The following DNAH5 variants were observed in gnomAD, a reference collection of about 807,000 sequenced individuals.
DNAH5 encodes dynein axonemal heavy chain 5, also known as axonemal beta dynein heavy chain 5.
In DNAH5, 372 loss-of-function variants were observed where a neutral mutation model predicts 518.2. That is an observed-to-expected ratio of 0.72 (90% CI 0.66 to 0.78). The LOEUF is 0.78. Ranked by LOEUF, DNAH5 falls within the 30% of genes least tolerant of loss-of-function variation. DNAH5 has a pLI of 0.00. For synonymous variants in DNAH5, 2,039 were observed against 2,025.9 expected, an observed-to-expected ratio of 1.01 and a Z score of -0.17; for missense variants, 5,523 against 5,687.0, an observed-to-expected ratio of 0.97 and a Z score of 0.93.
At chr5:13,887,216 T>A (rs1215237987) in intron 17 of DNAH5, among the ~76,000 whole-genome samples, 1 of 152,204 alleles carries the variant, frequency 6.6e-6, no homozygotes, top group Non-Finnish European at 1.5e-5. Context: ...CACAAGCACA[T>A]GTTTGAGATC....
At chr5:13,805,489 T>A (rs1759445802) in intron 47 of DNAH5, among the ~76,000 whole-genome samples, 1 of 151,398 alleles carries the variant, frequency 6.6e-6, no homozygotes, top group Non-Finnish European at 1.5e-5. Flanking sequence ...AGAGCGAGGC[T>A]CCGTTTCAAA....
At chr5:13,854,002 A>G (rs1767251516) in intron 30 of DNAH5, among the ~76,000 whole-genome samples, 1 of 152,202 alleles carries the variant, frequency 6.6e-6, no homozygotes, top group East Asian at 1.9e-4. Context: ...GCCAACATTC[A>G]AATTCAGGAA....
chr5:13,980,003 C>T (rs1782562726), intron 1 of DNAH5, among the ~76,000 whole-genome samples: 1 of 152,198 alleles, frequency 6.6e-6, no homozygotes, highest in African/African-American at 2.4e-5. Context: ...CCACACCTGG[C>T]TAATTTTTGT....
chr5:13,980,314 C>G (rs1782583399), intron 1 of DNAH5, among the ~76,000 whole-genome samples: 1 of 152,154 alleles, frequency 6.6e-6, no homozygotes, highest in South Asian at 2.1e-4. Flanking sequence ...CAGGTGACAC[C>G]AGTGAACCTC....
intron 1 of DNAH5, among the ~76,000 whole-genome samples, chr5:13,985,647 C>G (rs1322578778): frequency 6.6e-6 from 1 of 151,882 alleles, no homozygotes; most frequent in Non-Finnish European, 1.5e-5. Context: ...TTACAACAGC[C>G]AAAGGAAGCA....
chr5:13,776,538 C>G lies in DNAH5; in HGVS notation c.9274G>C (p.Gly3092Arg), dbSNP rs1301847811. The G allele has an allele frequency of 6.2e-7, 1 of 1,613,900 alleles. No homozygotes were observed. The highest frequency in any genetic ancestry group is 1.7e-5 in the Admixed American group (1 of 59,968). The change falls in exon 55 of 79, where the codon GGG (glycine) becomes CGG (arginine). Residue 3092 changes from glycine (G) to arginine (R), a missense_variant. Coordinates refer to ENST00000265104, the MANE Select transcript of DNAH5 (RefSeq NM_001369.3). ...AAAGCTCTGTTTCGAAATTTCTCCC[C>G]CACTGGCGAGAAGCAGAGCACAATA... Reference protein sequence around the residue: ...LHIVLCFSPVGEKFRNRALKF... With the variant: ...LHIVLCFSPVREKFRNRALKF...
intron 35 of DNAH5, among the ~76,000 whole-genome samples, chr5:13,831,019 C>A (rs183535508): frequency 6.6e-6 from 1 of 151,934 alleles, no homozygotes; most frequent in East Asian, 1.9e-4. Flanking sequence ...AAACAGGTTT[C>A]TTTACTGCTG....
At chr5:13,721,295 G>T (rs1745029635) in intron 70 of DNAH5, 50 bp from the exon 71 acceptor site, 2 of 1,611,490 alleles carry the variant, frequency 1.2e-6, no homozygotes, top group Admixed American at 1.7e-5. Flanking sequence ...ACTCTTTCAT[G>T]TAGATAATGT....
chr5:13,784,898 A>G (rs1261788580), intron 52 of DNAH5, among the ~76,000 whole-genome samples: 2 of 152,140 alleles, frequency 1.3e-5, no homozygotes, highest in Non-Finnish European at 2.9e-5. Flanking sequence ...CTAAAAATGG[A>G]TACGGTAATG....
At chr5:13,942,155 A>C (rs1779516593) in intron 1 of DNAH5, among the ~76,000 whole-genome samples, 1 of 152,198 alleles carries the variant, frequency 6.6e-6, no homozygotes, top group African/African-American at 2.4e-5. Flanking sequence ...TTTTAAATGA[A>C]AATAACGTGT....
At chr5:13,752,340 T>A (rs774608694) in intron 63 of DNAH5, 51 bp from the exon 64 acceptor site, 285 of 1,584,654 alleles carry the variant, frequency 1.8e-4, no homozygotes, top group Non-Finnish European at 2.4e-4. Context: ...CATGAAGCAA[T>A]GCACAGGGAT....
intron 27 of DNAH5, among the ~76,000 whole-genome samples, chr5:13,865,064 C>T (rs7715986): frequency 6.8e-6 from 1 of 146,906 alleles, no homozygotes; most frequent in East Asian, 2.0e-4. Flanking sequence ...GTGCAATCTC[C>T]GCCCACTGCA....
At chr5:13,908,558 A>G (rs927678268) in intron 12 of DNAH5, among the ~76,000 whole-genome samples, 2 of 152,154 alleles carry the variant, frequency 1.3e-5, no homozygotes, top group African/African-American at 2.4e-5. Context: ...GGGTTGTGGA[A>G]TCTTCATACT....
chr5:13,830,127 A>G lies in DNAH5; in HGVS notation c.6148T>C (p.Ser2050Pro), dbSNP rs1343285385. ...PVLSVAAQQISIILTCKKEHK... is the reference protein window; with the variant it reads ...PVLSVAAQQIPIILTCKKEHK... ...TCCTTTTTACATGTCAGAATAATGG[A>G]AATTTGCTGGGCTGCAACCGAGAGA... Residue 2050 changes from serine to proline, a missense_variant, in exon 37 of 79, where the codon TCC becomes CCC. Physicochemically the swap from Ser to Pro is moderately conservative, Grantham distance 74 (BLOSUM62 -1). Transcript: ENST00000265104. 1 of 1,614,002 alleles carries G rather than the reference A, an allele frequency of 6.2e-7. No homozygotes were observed. The highest frequency in any genetic ancestry group is 8.5e-7 in the Non-Finnish European group (1 of 1,179,958).
At chr5:14,010,420 T>C (rs1785032296) in intron 1 of DNAH5, among the ~76,000 whole-genome samples, 1 of 152,226 alleles carries the variant, frequency 6.6e-6, no homozygotes, top group Non-Finnish European at 1.5e-5. Context: ...CCATGCTTTA[T>C]ATCCTTAAAG....
chr5:13,829,416 A>T, intron 38 of DNAH5, 94 bp downstream of exon 38: 1 of 1,327,974 alleles, frequency 7.5e-7, no homozygotes, highest in Non-Finnish European at 1.1e-6. Context: ...TCCTTTGTCA[A>T]CAAGCCCAGT....
intron 1 of DNAH5, among the ~76,000 whole-genome samples, chr5:13,988,526 T>C (rs1783227190): frequency 6.6e-6 from 1 of 151,874 alleles, no homozygotes; most frequent in African/African-American, 2.4e-5. Context: ...CAAGTGATTC[T>C]CCTGCCTCAG....
At chr5:13,929,821 C>T (rs150925850) in intron 2 of DNAH5, among the ~76,000 whole-genome samples, 123 of 152,314 alleles carry the variant, frequency 8.1e-4, no homozygotes, top group Non-Finnish European at 1.5e-3. Flanking sequence ...CTTTTGCCTG[C>T]TTCTTCCCCT....
intron 78 of DNAH5, among the ~76,000 whole-genome samples, chr5:13,697,551 T>C (rs1038523687): frequency 3.3e-5 from 5 of 152,208 alleles, no homozygotes; most frequent in Non-Finnish European, 7.3e-5. Context: ...TAGCAAACTT[T>C]TGTAAAGACT....
Sources: allele counts gnomAD v4.1 joint callset (sites outside exome capture counted in the v4.1 genomes callset), GRCh38; gene constraint gnomAD v4.1.1; transcripts MANE v1.5; gene names NCBI Gene and HGNC (gene_info 2026-07-23, HGNC 2026-07-21).